Variants in PIK3CG observed in about 807,000 individuals in gnomAD.
PIK3CG encodes phosphatidylinositol-4,5-bisphosphate 3-kinase catalytic subunit gamma, also known as phosphatidylinositol 4,5-bisphosphate 3-kinase catalytic subunit gamma isoform.
In PIK3CG, 55 loss-of-function variants were observed where a neutral mutation model predicts 102.3. The observed-to-expected ratio is 0.54, with a 90% CI of 0.43 to 0.67. The LOEUF (loss-of-function observed/expected upper bound fraction) is 0.67, where lower values mean the gene tolerates loss of function less well. PIK3CG is among the 30% of genes least tolerant of loss of function. The probability of loss-of-function intolerance (pLI) is 0.00; values close to 1 mark genes in which losing one functional copy is unlikely to be tolerated. For synonymous variants in PIK3CG, 552 were observed against 540.0 expected, an observed-to-expected ratio of 1.02 and a Z score of -0.31; for missense variants, 1,258 against 1,391.8, an observed-to-expected ratio of 0.90 and a Z score of 1.53.
At chr7:106,885,375 A>C (rs1791055899) in intron 9 of PIK3CG, among the ~76,000 whole-genome samples, 1 of 152,064 alleles carries the variant, frequency 6.6e-6, no homozygotes, top group African/African-American at 2.4e-5. Flanking sequence ...AAATCTCCCT[A>C]ACCCACTCCA....
In PIK3CG at chr7:106,880,832, C is replaced by G. The variant is rs561334345; in HGVS notation, c.2538+1167C>G. 1.7e-4 allele frequency among the ~76,000 whole-genome samples: 26 copies of G among 152,044 alleles called. No individual in the cohort carries two copies. The highest frequency in any genetic ancestry group is 3.4e-4 in the Non-Finnish European group (23 of 68,006). On this transcript the variant is annotated intron_variant, in intron 6 of 10. Coordinates refer to ENST00000496166, the MANE Select transcript of PIK3CG (RefSeq NM_001282426.2). The surrounding 1 kb of genome is among the most constrained non-coding windows in gnomAD (Gnocchi z 4.2). ...TAACTAGGACTATAGGTGTGCACCA[C>G]CATACCTGGCAAATTATATTTTTTG...
At chr7:106,887,204 TAATG>T (rs1791124772) in intron 10 of PIK3CG, among the ~76,000 whole-genome samples, 1 of 152,158 alleles carries the variant, frequency 6.6e-6, no homozygotes, top group African/African-American at 2.4e-5. Flanking sequence ...ATTAATAACT[TAATG>T]AACATAATTC....
In PIK3CG at chr7:106,892,870, C is replaced by T. The variant is rs1435733593; in HGVS notation, c.3030+6578C>T. 1.3e-5 allele frequency among the ~76,000 whole-genome samples: 2 copies of T among 152,020 alleles called. No homozygotes were observed. The highest frequency in any genetic ancestry group is 2.4e-5 in the African/African-American group (1 of 41,378). ...GAACATCCAGACAGAAAGAACAGCA[C>T]GAGCAAGTGCATGAAGTTAGAAAAG... is the stretch of plus-strand genomic sequence containing the variant. On this transcript the variant is annotated intron_variant, in intron 10 of 10. Coordinates refer to ENST00000496166, the MANE Select transcript of PIK3CG (RefSeq NM_001282426.2). This position sits in a 1 kb window ranked among gnomAD's most constrained non-coding sequence, Gnocchi z 5.2.
rs1197777663 is a variant in PIK3CG, at chr7:106,893,982, A to G, written c.3030+7690A>G. Among the ~76,000 whole-genome samples the G allele has an allele frequency of 6.6e-6, 1 of 152,210 alleles. No individual in the cohort carries two copies. The highest frequency in any genetic ancestry group is 1.5e-5 in the Non-Finnish European group (1 of 68,034). On this transcript the variant is annotated intron_variant, in intron 10 of 10. Transcript: ENST00000496166. This position sits in a 1 kb window ranked among gnomAD's most constrained non-coding sequence, Gnocchi z 4.4. ...TGTGTATCTAAACACATCTGAACGGAAAAGGAACAGTAAAAATATGGAATT... is the reference window on the plus strand; with the variant it reads ...TGTGTATCTAAACACATCTGAACGGGAAAGGAACAGTAAAAATATGGAATT...
In PIK3CG at chr7:106,906,211, C is replaced by T. The variant is rs1309014598; in HGVS notation, c.*824C>T. The T allele has an allele frequency of 2.2e-5, 5 of 228,778 alleles. No individual in the cohort carries two copies. The highest frequency in any genetic ancestry group is 3.5e-5 in the Non-Finnish European group (4 of 115,794). 14.2% of individuals were successfully genotyped at this position (228,778 alleles called of 1,614,324 possible). On this transcript the variant is annotated 3_prime_UTR_variant, in exon 11 of 11. Transcript: ENST00000496166. ...CCCTGCCTCCCTTTTTCATCAATTGCGATGCTCCCACAACTCTTTACAGAC... is the reference window on the plus strand; with the variant it reads ...CCCTGCCTCCCTTTTTCATCAATTGTGATGCTCCCACAACTCTTTACAGAC...
chr7:106,873,216 A>G (rs1790601709), intron 4 of PIK3CG, among the ~76,000 whole-genome samples: 2 of 152,270 alleles, frequency 1.3e-5, no homozygotes. Flanking sequence ...TTGCATACAC[A>G]AAGATTAGAT....
Position 106,906,207 on chromosome 7 carries a change from A to G in PIK3CG, c.*820A>G, listed in dbSNP as rs530804025. ...TTTTCCCTGCCTCCCTTTTTCATCAATTGCGATGCTCCCACAACTCTTTAC... is the reference window on the plus strand; with the variant it reads ...TTTTCCCTGCCTCCCTTTTTCATCAGTTGCGATGCTCCCACAACTCTTTAC... On this transcript the variant is annotated 3_prime_UTR_variant, in exon 11 of 11. Transcript: ENST00000496166. 63 of 229,094 alleles carry G rather than the reference A, an allele frequency of 2.7e-4. No homozygotes were observed. The Middle Eastern group carries it at 6.5e-3, about 24-fold the overall frequency. The allele number at this position is 229,094 out of a possible 1,614,324, so 14.2% of individuals were successfully genotyped here. A position where few individuals can be genotyped will look rare whatever the true frequency, so the allele number is the denominator to read the frequency against.
rs1399624441 is a variant in PIK3CG at position 106,892,847 on chromosome 7, A to G, written c.3030+6555A>G. Among the ~76,000 whole-genome samples, 2 of 152,220 alleles carry G rather than the reference A, an allele frequency of 1.3e-5. No individual in the cohort carries two copies. The highest frequency in any genetic ancestry group is 2.9e-5 in the Non-Finnish European group (2 of 68,040). The stretch of plus-strand genomic sequence containing the variant: ...CAGGCAGATACAGGGAAGGGAGGGA[A>G]CATCCAGACAGAAAGAACAGCACGA... On this transcript the variant is annotated intron_variant, in intron 10 of 10. Transcript: ENST00000496166. The surrounding 1 kb of genome is among the most constrained non-coding windows in gnomAD (Gnocchi z 5.2).
In PIK3CG at chr7:106,882,238, C is replaced by T. The variant is rs779887046; in HGVS notation, c.2629+31C>T. On this transcript the variant is annotated intron_variant, in intron 7 of 10. Transcript: ENST00000496166. Reference sequence around the variant, plus strand: ...TAGTTACCTCAGGAGATGAATAGACCTCTCAGCTCGTTTGAAAAGATTATA... The same window carrying T: ...TAGTTACCTCAGGAGATGAATAGACTTCTCAGCTCGTTTGAAAAGATTATA... The T allele has an allele frequency of 6.7e-6, 7 of 1,038,562 alleles. No individual in the cohort carries two copies. The Admixed American group carries it at 9.2e-5, about 14-fold the overall frequency. The allele number at this position is 1,038,562 out of a possible 1,614,324, so 64.3% of individuals were successfully genotyped here. A position where few individuals can be genotyped will look rare whatever the true frequency, so the allele number is the denominator to read the frequency against.
chr7:106,886,316 G>A (rs2116563330), intron 10 of PIK3CG, 24 bp downstream of exon 10: 1 of 1,612,980 alleles, frequency 6.2e-7, no homozygotes, highest in Non-Finnish European at 8.5e-7. Flanking sequence ...TTCATCGCCT[G>A]CTGAGAATAG....
Position 106,868,237 on chromosome 7 carries a change from C to G in PIK3CG, c.676C>G (p.Arg226Gly), listed in dbSNP as rs760803722. 17 of 1,613,008 alleles carry G rather than the reference C, an allele frequency of 1.1e-5. No homozygotes were observed. The East Asian group carries it at 2.9e-4, about 27-fold the overall frequency. Reference sequence around the variant, plus strand: ...CAACTGCATCTTCATCGTCATTCACCGCAGCACCACCAGCCAGACCATTAA... The same window carrying G: ...CAACTGCATCTTCATCGTCATTCACGGCAGCACCACCAGCCAGACCATTAA... ...ANNCIFIVIH[R>G]STTSQTIKVS... Residue 226 changes from arginine (R) to glycine (G), a missense_variant, in exon 2 of 11, where the codon CGC (arginine) becomes GGC (glycine). Arg to Gly is a moderately radical substitution (Grantham distance 125, BLOSUM62 -2). This residue lies in a region of PIK3CG where 832 missense variants were observed against 787.5 expected (regional missense o/e 1.06). Transcript: ENST00000496166. The surrounding 1 kb of genome is among the most constrained non-coding windows in gnomAD (Gnocchi z 6.2).
rs1410258101 is a variant in PIK3CG at position 106,897,232 on chromosome 7, T to C, written c.3031-7877T>C. On this transcript the variant is annotated intron_variant, in intron 10 of 10. Coordinates refer to ENST00000496166, the MANE Select transcript of PIK3CG (RefSeq NM_001282426.2). The surrounding 1 kb of genome is among the most constrained non-coding windows in gnomAD (Gnocchi z 4.6). ...CAAGTTTCCACAATTTTAAACCATG[T>C]TCTAATGAACATCCTTATAGATAAA... is the stretch of plus-strand genomic sequence containing the variant. 6.6e-6 allele frequency among the ~76,000 whole-genome samples: 1 copy of C among 152,230 alleles called. No individual in the cohort carries two copies. Among genetic ancestry groups the C allele is most frequent in the Non-Finnish European group, 1.5e-5 (1 of 68,038 alleles).
In PIK3CG at chr7:106,867,477, C is replaced by T. The variant is rs1562952658; in HGVS notation, c.-12-73C>T. On this transcript the variant is annotated intron_variant, in intron 1 of 10. Coordinates refer to ENST00000496166, the MANE Select transcript of PIK3CG (RefSeq NM_001282426.2). This position sits in a 1 kb window ranked among gnomAD's most constrained non-coding sequence, Gnocchi z 5.1. ...ATGTACGCCGCCTATACCTCCTCTT[C>T]CCTCATCTCACCAGAAAATATAAGG... 2 of 1,372,022 alleles carry T rather than the reference C, an allele frequency of 1.5e-6. No homozygotes were observed. The highest frequency in any genetic ancestry group is 2.8e-5 in the South Asian group (2 of 70,838). 85.0% of individuals were successfully genotyped at this position (1,372,022 alleles called of 1,614,324 possible).
intron 2 of PIK3CG, among the ~76,000 whole-genome samples, chr7:106,870,320 A>G (rs1030291179): frequency 2.6e-5 from 4 of 152,142 alleles, no homozygotes; most frequent in African/African-American, 9.7e-5. Flanking sequence ...TGATTTTTCT[A>G]AGGTTTAGTT....
At chr7:106,886,090 A>G (rs1397729350) in intron 9 of PIK3CG, 45 bp from the exon 10 acceptor site, 2 of 1,546,008 alleles carry the variant, frequency 1.3e-6, no homozygotes, top group Admixed American at 1.8e-5. Context: ...TAAGGAACAA[A>G]GTGCTGTGCC....
Position 106,903,142 on chromosome 7 carries a change from C to G in PIK3CG, c.3031-1967C>G, listed in dbSNP as rs1462298606. ...TCTCTGAACTTTCCCTTCTGTTCCACAAAATTCCTTGTCTTTTTGGGAGAA... is the reference window on the plus strand; with the variant it reads ...TCTCTGAACTTTCCCTTCTGTTCCAGAAAATTCCTTGTCTTTTTGGGAGAA... On this transcript the variant is annotated intron_variant, in intron 10 of 10. Transcript: ENST00000496166. This position sits in a 1 kb window ranked among gnomAD's most constrained non-coding sequence, Gnocchi z 4.3. Among the ~76,000 whole-genome samples the G allele has an allele frequency of 6.6e-6, 1 of 152,106 alleles. No homozygotes were observed. Among genetic ancestry groups the G allele is most frequent in the East Asian group, 1.9e-4 (1 of 5,200 alleles).
rs1791017700 is a variant in PIK3CG at position 106,884,085 on chromosome 7, A to G, written c.2761-70A>G. 1 of 1,147,630 alleles carries G rather than the reference A, an allele frequency of 8.7e-7. No homozygotes were observed. The highest frequency in any genetic ancestry group is 1.3e-6 in the Non-Finnish European group (1 of 770,292). 71.1% of individuals were successfully genotyped at this position (1,147,630 alleles called of 1,614,324 possible). ...GGTTTCCAGAATATTCTCTTTTTAG[A>G]AGTCATTTGTAGATTCATGATGCTT... On this transcript the variant is annotated intron_variant, in intron 8 of 10. Transcript: ENST00000496166. The surrounding 1 kb of genome is among the most constrained non-coding windows in gnomAD (Gnocchi z 4.2).
Position 106,868,702 on chromosome 7 carries a change from G to C in PIK3CG, c.1141G>C (p.Val381Leu), listed in dbSNP as rs2116447550. The change falls in exon 2 of 11, where the codon GTT becomes CTT. Residue 381 changes from valine (V) to leucine (L), a missense_variant. Physicochemically the swap from Val to Leu is conservative, Grantham distance 32. Coordinates refer to ENST00000496166, the MANE Select transcript of PIK3CG (RefSeq NM_001282426.2). The surrounding 1 kb of genome is among the most constrained non-coding windows in gnomAD (Gnocchi z 6.2). ...PVLPRNTDLT[V>L]FVEANIQHGQ... is the part of the protein sequence containing the mutation. The stretch of plus-strand genomic sequence containing the variant: ...CCTGCCTCGGAACACCGACCTCACA[G>C]TTTTTGTAGAGGCAAACATCCAGCA... 1 of 1,614,236 alleles carries C rather than the reference G, an allele frequency of 6.2e-7. No homozygotes were observed. Among genetic ancestry groups the C allele is most frequent in the Non-Finnish European group, 8.5e-7 (1 of 1,180,042 alleles).
intron 10 of PIK3CG, among the ~76,000 whole-genome samples, chr7:106,901,970 T>C (rs558646051): frequency 5.5e-4 from 84 of 152,352 alleles, no homozygotes; most frequent in Non-Finnish European, 9.3e-4. Flanking sequence ...CTCAATGCTC[T>C]GAAAGTGTGG....
Sources: allele counts gnomAD v4.1 joint callset (sites outside exome capture counted in the v4.1 genomes callset), GRCh38; gene constraint gnomAD v4.1.1; regional missense constraint gnomAD v4.1.1; non-coding constraint Gnocchi (gnomAD v3.1); transcripts MANE v1.5; gene names NCBI Gene and HGNC (gene_info 2026-07-23, HGNC 2026-07-21).